EXOC5: variants seen among roughly 807,000 people sequenced by gnomAD.
The protein encoded by EXOC5 is SEC10-like 1.
In EXOC5, 17 loss-of-function variants were observed where a neutral mutation model predicts 90.8. The ratio of observed to expected loss-of-function variants is 0.19; its 90% CI spans 0.13 to 0.28. The LOEUF (loss-of-function observed/expected upper bound fraction) is 0.28. EXOC5 is among the 10% of genes least tolerant of loss of function. The pLI is 1.00. For synonymous variants in EXOC5, 260 were observed against 270.0 expected (o/e 0.96, Z 0.36); for missense variants, 569 against 830.6 (o/e 0.69, Z 3.87).
At chr14:57,261,678 G>A (rs74716667) in intron 1 of EXOC5, among the ~76,000 whole-genome samples, 1,554 of 152,308 alleles carry the variant, frequency 0.01, 28 homozygotes, top group African/African-American at 0.035. Context: ...AGGGAAACCT[G>A]GTCTCTGCTC....
intron 7 of EXOC5, 24 bp downstream of exon 7, chr14:57,235,687 T>C (rs1391292358): frequency 1.7e-6 from 2 of 1,180,348 alleles, no homozygotes; most frequent in Admixed American, 2.0e-5. Context: ...TGAACACTAT[T>C]CATTTTTAAT....
At chr14:57,213,086 T>C (rs1397696610) in intron 15 of EXOC5, among the ~76,000 whole-genome samples, 1 of 151,246 alleles carries the variant, frequency 6.6e-6, no homozygotes, top group African/African-American at 2.5e-5. Flanking sequence ...CCAGCAGCTT[T>C]GATAAACGTA....
chr14:57,211,203 T>C (rs1882815670), intron 15 of EXOC5, among the ~76,000 whole-genome samples: 1 of 152,202 alleles, frequency 6.6e-6, no homozygotes, highest in Admixed American at 6.6e-5. Flanking sequence ...TTCTGCAGTG[T>C]TAGCAACGTC....
chr14:57,260,442 T>C (rs1039559339), intron 1 of EXOC5, among the ~76,000 whole-genome samples: 1 of 152,166 alleles, frequency 6.6e-6, no homozygotes, highest in Non-Finnish European at 1.5e-5. Flanking sequence ...ACTATGAAAT[T>C]AGCCAATTAA....
intron 13 of EXOC5, among the ~76,000 whole-genome samples, chr14:57,220,759 C>CA (rs1280877972): frequency 6.6e-6 from 1 of 152,010 alleles, no homozygotes; most frequent in Non-Finnish European, 1.5e-5. Flanking sequence ...ATGACTATGC[C>CA]ACTGCACTCT....
At chr14:57,243,622 A>C (rs1312793972) in intron 4 of EXOC5, 1 of 152,404 alleles carries the variant, frequency 6.6e-6, no homozygotes, top group Non-Finnish European at 1.5e-5. Flanking sequence ...TTAGACCAGG[A>C]GTAAGTGACT....
chr14:57,201,372 A>G lies in EXOC5; in HGVS notation c.*7237T>C, dbSNP rs182617397. The G allele has an allele frequency of 2.8e-4, 43 of 151,174 alleles. No individual in the cohort carries two copies. The highest frequency in any genetic ancestry group is 9.2e-4 in the African/African-American group (38 of 41,164). The allele number at this position is 151,174 out of a possible 1,614,324, so 9.4% of individuals were successfully genotyped here. A position where few individuals can be genotyped will look rare whatever the true frequency, so the allele number is the denominator to read the frequency against. On this transcript the variant is annotated 3_prime_UTR_variant, in exon 18 of 18. Coordinates refer to ENST00000621441, the MANE Select transcript of EXOC5 (RefSeq NM_006544.4). Reference sequence around the variant, plus strand: ...TAAAATGACAGATTATAATTAGTTGAACAGAAAACTATGAATACATAGTGA... The same window carrying G: ...TAAAATGACAGATTATAATTAGTTGGACAGAAAACTATGAATACATAGTGA...
chr14:57,267,247 TAA>T (rs1436440407), intron 1 of EXOC5, among the ~76,000 whole-genome samples: 2 of 152,192 alleles, frequency 1.3e-5, no homozygotes, highest in Non-Finnish European at 2.9e-5. Flanking sequence ...TCCCAACACT[TAA>T]GTGAGAAAAT....
At chr14:57,237,511 C>G (rs755911600) in intron 5 of EXOC5, 145 bp from the exon 6 acceptor site, 3 of 537,238 alleles carry the variant, frequency 5.6e-6, no homozygotes, top group Non-Finnish European at 1.0e-5. Context: ...AAATCCAAAA[C>G]CATTATAAAG....
At chr14:57,258,950 G>T (rs548678387) in intron 1 of EXOC5, among the ~76,000 whole-genome samples, 3 of 152,096 alleles carry the variant, frequency 2.0e-5, no homozygotes, top group African/African-American at 7.2e-5. Flanking sequence ...TCTGTATCTT[G>T]TTAAACCAAC....
chr14:57,218,044 G>C lies in EXOC5; in HGVS notation c.1551C>G (p.Cys517Trp). The C allele has an allele frequency of 6.6e-7, 1 of 1,525,354 alleles. No individual in the cohort carries two copies. 94.5% of individuals were successfully genotyped at this position (1,525,354 alleles called of 1,614,324 possible). ...LISSSPKLSECLQKKKEIIEQ... is the reference protein window; with the variant it reads ...LISSSPKLSEWLQKKKEIIEQ... ...CAATTATTTCTTTTTTCTTCTGAAG[G>C]CATTCAGATAACTTAGGAGAAGAGC... The change falls in exon 15 of 18, where the codon TGC becomes TGG. Residue 517 changes from cysteine (C) to tryptophan (W), a missense_variant. Physicochemically the swap from Cys to Trp is radical, Grantham distance 215. Coordinates refer to ENST00000621441, the MANE Select transcript of EXOC5 (RefSeq NM_006544.4).
intron 1 of EXOC5, among the ~76,000 whole-genome samples, chr14:57,267,710 T>G (rs531704565): frequency 6.6e-6 from 1 of 152,332 alleles, no homozygotes; most frequent in South Asian, 2.1e-4. Flanking sequence ...TTCTATTATC[T>G]CAAACTTTTA....
At chr14:57,238,219 T>TACACACAC (rs199783480) in intron 5 of EXOC5, among the ~76,000 whole-genome samples, 6 of 73,818 alleles carry the variant, frequency 8.1e-5, no homozygotes, top group African/African-American at 2.7e-4. Flanking sequence ...ACTCCACATA[T>TACACACAC]ATATACACAC....
intron 1 of EXOC5, among the ~76,000 whole-genome samples, chr14:57,252,829 C>T (rs1884233564): frequency 6.6e-6 from 1 of 152,110 alleles, no homozygotes; most frequent in Non-Finnish European, 1.5e-5. Flanking sequence ...GAGATATCTG[C>T]ACCACCATGT....
chr14:57,215,164 G>A (rs1019739691), intron 15 of EXOC5, among the ~76,000 whole-genome samples: 1 of 151,960 alleles, frequency 6.6e-6, no homozygotes, highest in Non-Finnish European at 1.5e-5. Flanking sequence ...CCAGGGAGGT[G>A]GAGGTTGCAG....
chr14:57,204,715 A>G lies in EXOC5; in HGVS notation c.*3894T>C, dbSNP rs1361208674. The G allele has an allele frequency of 1.3e-5, 2 of 152,474 alleles. No homozygotes were observed. The highest frequency in any genetic ancestry group is 2.9e-5 in the Non-Finnish European group (2 of 67,920). The allele number at this position is 152,474 out of a possible 1,614,324, so 9.4% of individuals were successfully genotyped here. ...AAAGATTTGTGATAGACATATTTCT[A>G]TTAGGTACAAACTTAACATTAAAAT... On this transcript the variant is annotated 3_prime_UTR_variant, in exon 18 of 18. Coordinates refer to ENST00000621441, the MANE Select transcript of EXOC5 (RefSeq NM_006544.4).
At chr14:57,266,990 T>C (rs1398000553) in intron 1 of EXOC5, among the ~76,000 whole-genome samples, 1 of 152,202 alleles carries the variant, frequency 6.6e-6, no homozygotes, top group African/African-American at 2.4e-5. Context: ...TCTTATGAAC[T>C]GTATGACAAC....
chr14:57,247,550 G>A (rs1267179000), intron 2 of EXOC5, 68 bp downstream of exon 2: 3 of 669,008 alleles, frequency 4.5e-6, no homozygotes, highest in Non-Finnish European at 7.5e-6. Flanking sequence ...AATCTCAACA[G>A]TCATCTCTAT....
chr14:57,268,645 C>T lies in EXOC5; in HGVS notation c.4G>A (p.Ala2Thr). 6.3e-7 allele frequency: 1 copy of T among 1,589,544 alleles called. No homozygotes were observed. Among genetic ancestry groups the T allele is most frequent in the Non-Finnish European group, 8.5e-7 (1 of 1,174,506 alleles). The change falls in exon 1 of 18, where the codon GCT becomes ACT. Residue 2 changes from alanine to threonine, a missense_variant. Ala to Thr is a moderately conservative substitution (Grantham distance 58). Coordinates refer to ENST00000621441, the MANE Select transcript of EXOC5 (RefSeq NM_006544.4). ...ACCTCGAAGAGCTCGGCCGTGGTAG[C>T]CATCCCGGCCGGCTGAGAGGCTCGC... is the stretch of plus-strand genomic sequence containing the variant. Reference protein sequence around the residue: MATTAELFEEPF... With the variant: MTTTAELFEEPF...
Sources: gnomAD v4.1 joint callset for allele counts (sites outside exome capture counted in the v4.1 genomes callset) on GRCh38, gnomAD v4.1.1 for gene constraint, MANE v1.5 for transcripts, NCBI Gene and HGNC (gene_info 2026-07-23, HGNC 2026-07-21) for gene names.